Variants in EYA1 observed in about 807,000 individuals in gnomAD.
EYA1 encodes the protein EYA transcriptional coactivator and phosphatase 1.
A neutral mutation model predicts 82.0 loss-of-function variants in EYA1; 16 were observed. The ratio of observed to expected loss-of-function variants is 0.20; its 90% CI spans 0.13 to 0.30. EYA1 has a LOEUF of 0.30. Among genes scored for constraint, EYA1 ranks in the 10% least tolerant of loss-of-function variants. The pLI, the probability that EYA1 is intolerant of heterozygous loss-of-function variation, is 1.00. For synonymous variants in EYA1, 261 were observed against 264.4 expected (o/e 0.99, Z 0.12); for missense variants, 633 against 730.7 (o/e 0.87, Z 1.54).
rs79778502 is a variant in EYA1, at chr8:71,207,052, A to C, written c.1698+4104T>G. On this transcript the variant is annotated intron_variant, in intron 17 of 17. Transcript: ENST00000340726. The stretch of plus-strand genomic sequence containing the variant: ...ATTACAAGTGTGAGCCTGCCTTGGT[A>C]GCAATTTTTGTTACTTACTAATATT... Among the ~76,000 whole-genome samples the C allele has an allele frequency of 3.3e-4, 51 of 152,292 alleles. No homozygotes were observed. The East Asian group carries it at 9.6e-3, about 29-fold the overall frequency.
At chr8:71,316,038 G>A (rs1021123451) in intron 7 of EYA1, among the ~76,000 whole-genome samples, 1 of 151,924 alleles carries the variant, frequency 6.6e-6, no homozygotes, top group Non-Finnish European at 1.5e-5. Flanking sequence ...ATTTAAAAAG[G>A]CTAAGATCTT....
intron 12 of EYA1, among the ~76,000 whole-genome samples, chr8:71,230,170 T>TA (rs1176140702): frequency 6.6e-6 from 1 of 151,464 alleles, no homozygotes; most frequent in Admixed American, 6.6e-5. Flanking sequence ...TATTCAACCT[T>TA]AAAAAATAAA....
chr8:71,404,327 A>G (rs895338568), intron 2 of EYA1: 7 of 152,240 alleles, frequency 4.6e-5, no homozygotes, highest in African/African-American at 1.7e-4. Flanking sequence ...GTTACAATGT[A>G]TTAATGGGTC....
intron 3 of EYA1, among the ~76,000 whole-genome samples, chr8:71,348,216 A>G (rs1825949310): frequency 6.6e-6 from 1 of 152,226 alleles, no homozygotes; most frequent in Admixed American, 6.5e-5. Context: ...GTGAGAAGAA[A>G]TGTAACAGAC....
intron 6 of EYA1, among the ~76,000 whole-genome samples, chr8:71,319,151 G>C (rs1361839290): frequency 6.9e-6 from 1 of 145,736 alleles, no homozygotes; most frequent in Non-Finnish European, 1.5e-5. Context: ...TTTTTTTTGA[G>C]ACGGAGTCTC....
chr8:71,394,929 G>A (rs1018417068), intron 2 of EYA1, among the ~76,000 whole-genome samples: 1 of 152,162 alleles, frequency 6.6e-6, no homozygotes, highest in African/African-American at 2.4e-5. Flanking sequence ...CATGAGCGTG[G>A]AATGTTCTTC....
intron 10 of EYA1, among the ~76,000 whole-genome samples, chr8:71,271,192 T>G (rs1224693955): frequency 2.6e-5 from 4 of 152,254 alleles, no homozygotes; most frequent in African/African-American, 9.6e-5. Context: ...ATGGGGTACA[T>G]GAGATGTTTT....
rs957211313 is a variant in EYA1, at chr8:71,382,326, C to G, written c.34-25815G>C. 3.9e-5 allele frequency among the ~76,000 whole-genome samples: 6 copies of G among 151,964 alleles called. 1 individual carries two copies. In the South Asian group the frequency reaches 1.2e-3, roughly 32 times the overall value. On this transcript the variant is annotated intron_variant, in intron 2 of 18. Transcript: ENST00000643681. ...TTGAATTACTTTGCATTACAAATTG[C>G]TAAAATATACACCAATTTGTGACAC... is the stretch of plus-strand genomic sequence containing the variant.
At chr8:71,455,455 A>T (rs1807808454) in intron 2 of EYA1, among the ~76,000 whole-genome samples, 1 of 152,196 alleles carries the variant, frequency 6.6e-6, no homozygotes, top group Admixed American at 6.5e-5. Context: ...GACACAACAA[A>T]AAAAGAGAAT....
chr8:71,389,608 G>A (rs1201105582), intron 2 of EYA1, among the ~76,000 whole-genome samples: 1 of 151,944 alleles, frequency 6.6e-6, no homozygotes, highest in East Asian at 1.9e-4. Flanking sequence ...CAACATCATG[G>A]AAAAAAATCT....
chr8:71,340,623 G>A (rs1399439426), intron 3 of EYA1, among the ~76,000 whole-genome samples: 1 of 151,950 alleles, frequency 6.6e-6, no homozygotes, highest in Non-Finnish European at 1.5e-5. Flanking sequence ...CTCAGGGGTG[G>A]TTTCTTATTC....
intron 2 of EYA1, among the ~76,000 whole-genome samples, chr8:71,487,211 T>A (rs1345082685): frequency 6.6e-6 from 1 of 151,996 alleles, no homozygotes; most frequent in Non-Finnish European, 1.5e-5. Context: ...CAGATGTAGC[T>A]CACATATTAT....
chr8:71,525,908 CACATCATGTGCAAA>C (rs1813781437), intron 2 of EYA1, among the ~76,000 whole-genome samples: 1 of 152,168 alleles, frequency 6.6e-6, no homozygotes, highest in African/African-American at 2.4e-5. Flanking sequence ...AAACATTTTG[CACATCATGTGCAAA>C]ATAGCGAAAG....
intron 2 of EYA1, among the ~76,000 whole-genome samples, chr8:71,374,803 C>G (rs989415675): frequency 8.5e-5 from 13 of 152,058 alleles, no homozygotes; most frequent in African/African-American, 2.9e-4. Context: ...TATATATACA[C>G]AATGGAATAT....
At chr8:71,228,386 C>G (rs1424483155) in intron 12 of EYA1, among the ~76,000 whole-genome samples, 1 of 151,882 alleles carries the variant, frequency 6.6e-6, no homozygotes, top group Non-Finnish European at 1.5e-5. Context: ...GCATGGGGAG[C>G]CCTGGTGTGC....
chr8:71,519,319 T>C lies in EYA1; in HGVS notation c.33+16425A>G, dbSNP rs543493732. ...TTTCTAGTAAACTAATTTAGTGTAG[T>C]TAGCTACTTTAAATTATAACTTCCT... On this transcript the variant is annotated intron_variant, in intron 2 of 18. Coordinates refer to the EYA1 transcript ENST00000643681. 7.2e-5 allele frequency among the ~76,000 whole-genome samples: 11 copies of C among 152,330 alleles called. No individual in the cohort carries two copies. In the South Asian group the frequency reaches 2.3e-3, roughly 32 times the overall value.
At chr8:71,368,662 A>T (rs1336170133) in intron 2 of EYA1, among the ~76,000 whole-genome samples, 1 of 152,170 alleles carries the variant, frequency 6.6e-6, no homozygotes, top group African/African-American at 2.4e-5. Context: ...CAGTATCGTC[A>T]CAGTATACCT....
In EYA1 at chr8:71,211,860, G is replaced by C. The variant is rs529246031; in HGVS notation, c.1598-604C>G. On this transcript the variant is annotated intron_variant, in intron 16 of 17. Coordinates refer to ENST00000340726, the MANE Select transcript of EYA1 (RefSeq NM_000503.6). Reference sequence around the variant, plus strand: ...AAAACTCCTTCTCAAATAAATGTCAGATAATTTGAGGTAGTGCAGCAAGAT... The same window carrying C: ...AAAACTCCTTCTCAAATAAATGTCACATAATTTGAGGTAGTGCAGCAAGAT... 1.6e-3 allele frequency among the ~76,000 whole-genome samples: 248 copies of C among 152,298 alleles called. 1 individual carries two copies. The highest frequency in any genetic ancestry group is 2.5e-3 in the Non-Finnish European group (169 of 68,018).
chr8:71,475,251 C>A (rs1809565225), intron 2 of EYA1, among the ~76,000 whole-genome samples: 1 of 152,124 alleles, frequency 6.6e-6, no homozygotes. Flanking sequence ...TAGGGTCAAA[C>A]AGGGATAGAT....
Sources: allele counts gnomAD v4.1 joint callset (sites outside exome capture counted in the v4.1 genomes callset), GRCh38; gene constraint gnomAD v4.1.1; transcripts MANE v1.5; gene names NCBI Gene and HGNC (gene_info 2026-07-23, HGNC 2026-07-21).